Variants in VAPA observed in about 807,000 individuals in gnomAD.
VAPA encodes VAMP associated protein A.
Under a neutral mutation model 25.6 loss-of-function variants are expected in VAPA, and 6 were observed. The ratio of observed to expected loss-of-function variants is 0.23; its 90% confidence interval spans 0.13 to 0.46. The LOEUF is 0.46. Ranked by LOEUF, VAPA falls within the 20% of genes least tolerant of loss-of-function variation. The pLI is 0.99. For synonymous variants in VAPA, 112 were observed against 106.2 expected, an observed-to-expected ratio of 1.05 and a Z score of -0.34; for missense variants, 244 against 302.1, an observed-to-expected ratio of 0.81 and a Z score of 1.43.
rs200828821 is a variant in VAPA at position 9,954,110 on chromosome 18, A to G, written c.649A>G (p.Thr217Ala). The G allele has an allele frequency of 1.7e-5, 27 of 1,614,122 alleles. No homozygotes were observed. The highest frequency in any genetic ancestry group is 6.7e-5 in the East Asian group (3 of 44,874). ...AHSDKPGSTS[T>A]ASFRDNVTSP... is the part of the protein sequence containing the mutation. ...TTCGGATAAACCTGGATCAACCTCA[A>G]CTGCATCCTTCAGAGATAATGTCAC... The change falls in exon 6 of 6, where the codon ACT becomes GCT. Residue 217 changes from threonine to alanine, a missense_variant. Thr to Ala is a moderately conservative substitution (Grantham distance 58). Around this residue, in one of 2 missense-constraint regions of VAPA, gnomAD observed 145 missense variants for 140.6 expected, o/e 1.03. Transcript: ENST00000400000.
intron 1 of VAPA, among the ~76,000 whole-genome samples, chr18:9,926,294 A>G (rs957720133): frequency 6.6e-6 from 1 of 152,182 alleles, no homozygotes; most frequent in Non-Finnish European, 1.5e-5. Flanking sequence ...TCAGTGATAC[A>G]ACTTAATTAG....
At position 9,945,258 on chromosome 18, in the gene VAPA, TTAAC is replaced by T. The variant is rs914856962; in HGVS notation, c.418-5133_418-5130del. ...ATTCTGTTCTAAAAAACTTCTGAACTTAACTAAAATCTATATAGTGAGCAGGACA... is the reference window on the plus strand; with the variant it reads ...ATTCTGTTCTAAAAAACTTCTGAACTTAAAATCTATATAGTGAGCAGGACA... On this transcript the variant is annotated intron_variant, in intron 4 of 5. Coordinates refer to ENST00000400000, the MANE Select transcript of VAPA (RefSeq NM_194434.3). Among the ~76,000 whole-genome samples the T allele has an allele frequency of 7.9e-5, 12 of 151,838 alleles. 1 individual carries two copies. Among genetic ancestry groups the T allele is most frequent in the Admixed American group, 2.6e-4 (4 of 15,250 alleles).
At chr18:9,916,228 A>G (rs1419353785) in intron 1 of VAPA, among the ~76,000 whole-genome samples, 1 of 152,200 alleles carries the variant, frequency 6.6e-6, no homozygotes, top group African/African-American at 2.4e-5. Flanking sequence ...CTACACAGTG[A>G]CTTACTCATA....
intron 2 of VAPA, among the ~76,000 whole-genome samples, chr18:9,934,798 A>AG (rs2069291204): frequency 6.6e-6 from 1 of 152,216 alleles, no homozygotes; most frequent in Non-Finnish European, 1.5e-5. Context: ...AAAACTTAAA[A>AG]GACGAGAAAT....
In VAPA at chr18:9,944,975, A is replaced by G. The variant is rs981672998; in HGVS notation, c.418-5420A>G. On this transcript the variant is annotated intron_variant, in intron 4 of 5. Coordinates refer to ENST00000400000, the MANE Select transcript of VAPA (RefSeq NM_194434.3). The stretch of plus-strand genomic sequence containing the variant: ...GACTGTCACTTCAATGAGCAGCATC[A>G]ACAACACAGTTGCAACACCTGCCAG... The G allele has an allele frequency of 4.2e-5, 67 of 1,614,086 alleles. 2 individuals are homozygous for G. The highest frequency in any genetic ancestry group is 8.5e-6 in the Non-Finnish European group (10 of 1,180,040).
chr18:9,919,063 G>A (rs1203026750), intron 1 of VAPA, among the ~76,000 whole-genome samples: 3 of 151,956 alleles, frequency 2.0e-5, no homozygotes, highest in African/African-American at 4.8e-5. Context: ...AATTTTTTAC[G>A]TACATATGGG....
chr18:9,950,781 ATTAT>A (rs1271587965), intron 5 of VAPA: 1 of 506,420 alleles, frequency 2.0e-6, no homozygotes, highest in African/African-American at 1.9e-5. Flanking sequence ...ACACATTCTA[ATTAT>A]TTGTGATCTG....
At position 9,916,354 on chromosome 18, in the gene VAPA, A is replaced by G. The variant is rs541644456; in HGVS notation, c.79+2019A>G. ...GAAGCAGAAAAGGTGTGTAGATGGT[A>G]TAACAGAGACACAACCGTGTCTGAG... On this transcript the variant is annotated intron_variant, in intron 1 of 5. Transcript: ENST00000400000. Among the ~76,000 whole-genome samples, 13 of 152,198 alleles carry G rather than the reference A, an allele frequency of 8.5e-5. No homozygotes were observed. The East Asian group carries it at 2.5e-3, about 29-fold the overall frequency.
chr18:9,950,581 G>T lies in VAPA; in HGVS notation c.591+13G>T, dbSNP rs367724207. The T allele has an allele frequency of 1.9e-6, 3 of 1,605,858 alleles. No homozygotes were observed. Among genetic ancestry groups the T allele is most frequent in the African/African-American group, 2.7e-5 (2 of 74,110 alleles). On this transcript the variant is annotated intron_variant, in intron 5 of 5. Coordinates refer to ENST00000400000, the MANE Select transcript of VAPA (RefSeq NM_194434.3). ...TCGGCACCTGAGAGTAAGTTCTGTT[G>T]GTTGAAAATAAATTGATTGAAATGA...
At position 9,916,182 on chromosome 18, in the gene VAPA, T is replaced by C. The variant is rs78637574; in HGVS notation, c.79+1847T>C. 0.03 allele frequency among the ~76,000 whole-genome samples: 4,557 copies of C among 152,236 alleles called. 436 individuals are homozygous for C. In the East Asian group the frequency reaches 0.35, roughly 12 times the overall value. ...TGTTGCTATAGTAAGGGAGTAATAA[T>C]AGTGGAGAAGCAAGTTTAAAAAACA... On this transcript the variant is annotated intron_variant, in intron 1 of 5. Coordinates refer to ENST00000400000, the MANE Select transcript of VAPA (RefSeq NM_194434.3).
rs751232402 is a variant in VAPA at position 9,950,500 on chromosome 18, C to T, written c.523C>T (p.Leu175=). 1 of 1,613,966 alleles carries T rather than the reference C, an allele frequency of 6.2e-7. No individual in the cohort carries two copies. Among genetic ancestry groups the T allele is most frequent in the South Asian group, 1.1e-5 (1 of 91,060 alleles). The change falls in exon 5 of 6, where the codon CTA becomes TTA. Residue 175 remains leucine, a synonymous_variant. Transcript: ENST00000400000. ...VSLNDTETRK[L]MEECKRLQGE... ...ACTTAATGATACCGAAACAAGGAAA[C>T]TAATGGAAGAGTGTAAAAGACTTCA...
chr18:9,947,591 T>G (rs1407032872), intron 4 of VAPA: 1 of 152,222 alleles, frequency 6.6e-6, no homozygotes, highest in African/African-American at 2.4e-5. Context: ...CAGCTTATTC[T>G]GAATTGCAGT....
intron 1 of VAPA, among the ~76,000 whole-genome samples, chr18:9,919,516 A>G (rs774306417): frequency 6.6e-6 from 1 of 152,248 alleles, no homozygotes; most frequent in Non-Finnish European, 1.5e-5. Flanking sequence ...AGAGCTATAT[A>G]GTGCTACGAG....
rs1200072490 is a variant in VAPA at position 9,914,289 on chromosome 18, C to T, written c.33C>T (p.His11=). The change falls in exon 1 of 6, where the codon CAC becomes CAT. Residue 11 remains histidine, a synonymous_variant. Transcript: ENST00000400000. The part of the protein sequence containing the change: MASASGAMAK[H]EQILVLDPPT... Reference sequence around the variant, plus strand: ...CCGCCTCAGGGGCCATGGCGAAGCACGAGCAGATCCTGGTCCTCGATCCGC... The same window carrying T: ...CCGCCTCAGGGGCCATGGCGAAGCATGAGCAGATCCTGGTCCTCGATCCGC... The T allele has an allele frequency of 1.9e-6, 3 of 1,591,290 alleles. No individual in the cohort carries two copies. Among genetic ancestry groups the T allele is most frequent in the African/African-American group, 1.4e-5 (1 of 71,638 alleles).
intron 4 of VAPA, 34 bp downstream of exon 4, chr18:9,937,100 G>C (rs1599108552): frequency 6.4e-7 from 1 of 1,557,552 alleles, no homozygotes; most frequent in East Asian, 2.3e-5. Flanking sequence ...ATTGGGAGCT[G>C]TTGAGCTCTC....
intron 4 of VAPA, 154 bp from the exon 5 acceptor site, chr18:9,950,241 G>C (rs939701604): frequency 1.5e-6 from 1 of 688,406 alleles, no homozygotes; most frequent in Non-Finnish European, 2.4e-6. Context: ...GGAGTGGGCT[G>C]GTTATTTAGA....
At chr18:9,917,053 G>A (rs1484491296) in intron 1 of VAPA, among the ~76,000 whole-genome samples, 2 of 152,132 alleles carry the variant, frequency 1.3e-5, no homozygotes, top group Non-Finnish European at 2.9e-5. Flanking sequence ...TTATACAGTC[G>A]TTAACATATA....
intron 4 of VAPA, among the ~76,000 whole-genome samples, chr18:9,939,183 T>G (rs1004501234): frequency 6.6e-6 from 1 of 151,686 alleles, no homozygotes; most frequent in Non-Finnish European, 1.5e-5. Flanking sequence ...CTTTTTTTTT[T>G]TTTTTTGAGA....
rs2069555258 is a variant in VAPA at position 9,956,709 on chromosome 18, G to T, written c.*2498G>T. 1 of 152,618 alleles carries T rather than the reference G, an allele frequency of 6.6e-6. No individual in the cohort carries two copies. Among genetic ancestry groups the T allele is most frequent in the Non-Finnish European group, 1.5e-5 (1 of 68,044 alleles). The allele number at this position is 152,618 out of a possible 1,614,324, so 9.5% of individuals were successfully genotyped here. A position where few individuals can be genotyped will look rare whatever the true frequency, so the allele number is the denominator to read the frequency against. Reference sequence around the variant, plus strand: ...TTGACTGATAATATGATAATATAGAGATTAAATTGTTTGTCTTCATTCCTT... The same window carrying T: ...TTGACTGATAATATGATAATATAGATATTAAATTGTTTGTCTTCATTCCTT... On this transcript the variant is annotated 3_prime_UTR_variant, in exon 6 of 6. Coordinates refer to ENST00000400000, the MANE Select transcript of VAPA (RefSeq NM_194434.3).
Sources: allele counts gnomAD v4.1 joint callset (sites outside exome capture counted in the v4.1 genomes callset), GRCh38; gene constraint gnomAD v4.1.1; regional missense constraint gnomAD v4.1.1; transcripts MANE v1.5; gene names NCBI Gene and HGNC (gene_info 2026-07-23, HGNC 2026-07-21).